Variants in PDZD8 observed in about 807,000 individuals in gnomAD.
PDZD8 encodes PDZ domain containing 8, also known as PDZ domain-containing protein 8.
A neutral mutation model predicts 85.8 loss-of-function variants in PDZD8; 14 were observed. That is an observed-to-expected ratio of 0.16 (90% CI 0.11 to 0.26). The LOEUF (loss-of-function observed/expected upper bound fraction) is 0.26. Among genes scored for constraint, PDZD8 ranks in the 10% least tolerant of loss-of-function variants. The pLI is 1.00. For missense variants in PDZD8, 1,197 were observed against 1,424.3 expected (o/e 0.84, Z 2.57); for synonymous variants, 592 against 568.6 (o/e 1.04, Z -0.59).
intron 3 of PDZD8, among the ~76,000 whole-genome samples, chr10:117,313,939 T>A (rs74159177): frequency 0.028 from 4,238 of 152,270 alleles, 222 homozygotes; most frequent in African/African-American, 0.098. Flanking sequence ...CCCCATACTT[T>A]CAGATCTCTC....
intron 4 of PDZD8, 67 bp from the exon 5 acceptor site, chr10:117,285,538 T>C (rs907836378): frequency 1.5e-6 from 2 of 1,348,670 alleles, no homozygotes; most frequent in African/African-American, 3.0e-5. Flanking sequence ...ATTTGTTAAA[T>C]GTATTTAATT....
chr10:117,294,691 G>C lies in PDZD8; in HGVS notation c.1099-4343C>G, dbSNP rs1272491672. Among the ~76,000 whole-genome samples, 5 of 152,066 alleles carry C rather than the reference G, an allele frequency of 3.3e-5. No individual in the cohort carries two copies. In the South Asian group the frequency reaches 1.0e-3, roughly 32 times the overall value. ...TTCAGCCACAAAAAACAAAACCCCA[G>C]AGAAAAGTCATTTATGACAACATGG... On this transcript the variant is annotated intron_variant, in intron 3 of 4. Coordinates refer to ENST00000334464, the MANE Select transcript of PDZD8 (RefSeq NM_173791.5).
Position 117,374,940 on chromosome 10 carries a change from G to A in PDZD8, c.288C>T (p.Tyr96=). 2 of 1,612,982 alleles carry A rather than the reference G, an allele frequency of 1.2e-6. No individual in the cohort carries two copies. Among genetic ancestry groups the A allele is most frequent in the Non-Finnish European group, 1.7e-6 (2 of 1,179,744 alleles). ...GGAATAGGATGGTGGCGTTGAGGAA[G>A]TAGCAAGTCTCCCGCGTCGGCGGGG... ...TPAPPTRETC[Y]FLNATILFLF... Residue 96 remains tyrosine (Y), a synonymous_variant, in exon 1 of 5, where the codon TAC becomes TAT. Coordinates refer to ENST00000334464, the MANE Select transcript of PDZD8 (RefSeq NM_173791.5). This position sits in a 1 kb window ranked among gnomAD's most constrained non-coding sequence, Gnocchi z 7.8.
intron 1 of PDZD8, among the ~76,000 whole-genome samples, chr10:117,352,647 C>T (rs575898043): frequency 2.2e-4 from 33 of 152,240 alleles, no homozygotes; most frequent in African/African-American, 7.7e-4. Context: ...TTTTTGTTAC[C>T]TATGAGAGGG....
intron 3 of PDZD8, among the ~76,000 whole-genome samples, chr10:117,316,167 AACAAAC>A (rs1315318066): frequency 2.8e-4 from 42 of 152,332 alleles, no homozygotes; most frequent in African/African-American, 7.5e-4. Flanking sequence ...ATTTTCAAAG[AACAAAC>A]ACAACCACAA....
intron 2 of PDZD8, among the ~76,000 whole-genome samples, chr10:117,330,983 T>A (rs1242978005): frequency 6.6e-6 from 1 of 152,210 alleles, no homozygotes; most frequent in African/African-American, 2.4e-5. Flanking sequence ...GTAGTGTCAA[T>A]TCAAAAATAC....
chr10:117,323,740 A>T (rs1487870123), intron 2 of PDZD8, among the ~76,000 whole-genome samples: 1 of 152,200 alleles, frequency 6.6e-6, no homozygotes, highest in Non-Finnish European at 1.5e-5. Flanking sequence ...CTTATGGGCA[A>T]GGCAAAGCCC....
chr10:117,303,258 G>T (rs954566130), intron 3 of PDZD8, among the ~76,000 whole-genome samples: 15 of 152,288 alleles, frequency 9.8e-5, no homozygotes, highest in African/African-American at 3.6e-4. Context: ...CTGGAGTAAA[G>T]GTGACTCTTG....
intron 1 of PDZD8, among the ~76,000 whole-genome samples, chr10:117,371,104 CTA>C (rs1845181856): frequency 6.6e-6 from 1 of 152,166 alleles, no homozygotes; most frequent in South Asian, 2.1e-4. Flanking sequence ...GAGAAGTATG[CTA>C]TATCTTAGAT....
intron 2 of PDZD8, among the ~76,000 whole-genome samples, chr10:117,323,124 A>G: frequency 6.6e-6 from 1 of 152,202 alleles, no homozygotes; most frequent in East Asian, 1.9e-4. Flanking sequence ...GGCCATATGA[A>G]GACCGTTCCA....
At chr10:117,337,382 T>A (rs894584157) in intron 2 of PDZD8, among the ~76,000 whole-genome samples, 1 of 151,994 alleles carries the variant, frequency 6.6e-6, no homozygotes, top group Non-Finnish European at 1.5e-5. Context: ...CATCTGTGGT[T>A]AAAAAAAATC....
chr10:117,326,967 G>T (rs947633199), intron 2 of PDZD8, among the ~76,000 whole-genome samples: 3 of 152,134 alleles, frequency 2.0e-5, no homozygotes, highest in Non-Finnish European at 4.4e-5. Context: ...TTTGGTTCAT[G>T]GGGACCCTGC....
intron 1 of PDZD8, among the ~76,000 whole-genome samples, chr10:117,348,482 A>G (rs1474918737): frequency 1.3e-5 from 2 of 152,158 alleles, no homozygotes; most frequent in Admixed American, 6.5e-5. Context: ...GATGGCTTCC[A>G]TAACAGAACT....
intron 3 of PDZD8, among the ~76,000 whole-genome samples, chr10:117,299,962 T>C (rs1843817962): frequency 6.6e-6 from 1 of 152,180 alleles, no homozygotes; most frequent in African/African-American, 2.4e-5. Context: ...TCTTGTTGCC[T>C]ACATTTTTAA....
intron 1 of PDZD8, among the ~76,000 whole-genome samples, chr10:117,356,620 G>T (rs1180401400): frequency 6.6e-6 from 1 of 152,130 alleles, no homozygotes; most frequent in Non-Finnish European, 1.5e-5. Context: ...TGTTATTCCT[G>T]ACCGCATTTA....
In PDZD8 at chr10:117,375,385, GGCGCCCGAGCC is replaced by G. The variant is rs1314651746; in HGVS notation, c.-169_-159del. 5.0e-6 allele frequency: 2 copies of G among 399,628 alleles called. No homozygotes were observed. The highest frequency in any genetic ancestry group is 8.3e-6 in the Non-Finnish European group (2 of 241,218). The allele number at this position is 399,628 out of a possible 1,614,324, so 24.8% of individuals were successfully genotyped here. A position where few individuals can be genotyped will look rare whatever the true frequency, so the allele number is the denominator to read the frequency against. On this transcript the variant is annotated 5_prime_UTR_variant, in exon 1 of 5. Transcript: ENST00000334464. ...CCAGGGGCTCGGGCCGGCGCGCTGC[GGCGCCCGAGCC>G]CGCAGCGGCCCGCGCCTCCTCAGAC...
At chr10:117,338,397 T>C (rs1844553070) in intron 2 of PDZD8, among the ~76,000 whole-genome samples, 1 of 152,212 alleles carries the variant, frequency 6.6e-6, no homozygotes. Flanking sequence ...GGAAAGGTGC[T>C]GGCTATATAA....
chr10:117,363,732 T>C (rs1314344998), intron 1 of PDZD8, among the ~76,000 whole-genome samples: 1 of 152,210 alleles, frequency 6.6e-6, no homozygotes, highest in Admixed American at 6.5e-5. Flanking sequence ...AAAAATTTTC[T>C]AGCTTTTCTA....
intron 1 of PDZD8, among the ~76,000 whole-genome samples, chr10:117,371,324 A>G (rs1443648675): frequency 6.6e-6 from 1 of 152,110 alleles, no homozygotes; most frequent in Non-Finnish European, 1.5e-5. Flanking sequence ...AGCTGGGATT[A>G]CAGGCGCCCG....
Sources: gnomAD v4.1 joint callset for allele counts (sites outside exome capture counted in the v4.1 genomes callset) on GRCh38, gnomAD v4.1.1 for gene constraint, Gnocchi (gnomAD v3.1) non-coding constraint, MANE v1.5 for transcripts, NCBI Gene and HGNC (gene_info 2026-07-23, HGNC 2026-07-21) for gene names.